OSBPL10: variants seen among roughly 807,000 people sequenced by gnomAD.
OSBPL10 encodes oxysterol binding protein like 10.
A neutral mutation model predicts 81.7 loss-of-function variants in OSBPL10; 49 were observed. The ratio of observed to expected loss-of-function variants is 0.60; its 90% confidence interval spans 0.48 to 0.76. The LOEUF (loss-of-function observed/expected upper bound fraction) is 0.76. Among genes scored for constraint, OSBPL10 ranks in the 30% least tolerant of loss-of-function variants. The probability of loss-of-function intolerance (pLI) is 0.00; values close to 1 mark genes in which losing one functional copy is unlikely to be tolerated. For synonymous variants in OSBPL10, 419 were observed against 383.6 expected (o/e 1.09, Z -1.08); for missense variants, 923 against 987.8 (o/e 0.93, Z 0.88).
upstream of OSBPL10, among the ~76,000 whole-genome samples, chr3:31,983,229 A>G (rs1055646691): frequency 1.3e-5 from 2 of 152,222 alleles, no homozygotes; most frequent in African/African-American, 4.8e-5. Flanking sequence ...TGACATACAG[A>G]CTGAAGGTGG....
At chr3:31,899,265 T>C (rs1364277652) in intron 1 of OSBPL10, among the ~76,000 whole-genome samples, 1 of 152,044 alleles carries the variant, frequency 6.6e-6, no homozygotes, top group Non-Finnish European at 1.5e-5. Context: ...TAAAGCTTAA[T>C]ATGGATGGTA....
intron 3 of OSBPL10, among the ~76,000 whole-genome samples, chr3:31,869,044 G>GGA (rs1420474929): frequency 6.6e-6 from 1 of 152,320 alleles, no homozygotes; most frequent in East Asian, 1.9e-4. Context: ...AAGGTGGTCA[G>GGA]GAGTCTGAAC....
chr3:31,934,076 TAAA>T (rs35397219), intron 1 of OSBPL10, among the ~76,000 whole-genome samples: 1 of 132,038 alleles, frequency 7.6e-6, no homozygotes, highest in Non-Finnish European at 1.6e-5. Context: ...CACCTCTGTT[TAAA>T]AAAAAAAAAA....
intron 2 of OSBPL10, among the ~76,000 whole-genome samples, chr3:31,995,561 G>A (rs998786543): frequency 6.6e-6 from 1 of 152,016 alleles, no homozygotes; most frequent in African/African-American, 2.4e-5. Flanking sequence ...ACTTCATATT[G>A]TTCAAACACA....
intron 10 of OSBPL10, among the ~76,000 whole-genome samples, chr3:31,665,352 A>G (rs1294387197): frequency 6.6e-6 from 1 of 152,230 alleles, no homozygotes; most frequent in Non-Finnish European, 1.5e-5. Context: ...TGGCTTCTAG[A>G]AAATGAGGCC....
intron 2 of OSBPL10, among the ~76,000 whole-genome samples, chr3:32,041,751 A>G (rs1699578338): frequency 6.6e-6 from 1 of 151,834 alleles, no homozygotes; most frequent in Non-Finnish European, 1.5e-5. Flanking sequence ...TCCACCTCCC[A>G]GGTTCCAGCA....
chr3:32,009,016 G>A lies in OSBPL10; in HGVS notation n.298+37475C>T, dbSNP rs183258198. On this transcript the variant is annotated intron_variant and non_coding_transcript_variant, in intron 2 of 3. Transcript: ENST00000479173. ...GCAACTGGGGATGAGCCAGGAAGAC[G>A]AGATAATTTACTCTTTGTACTTTTC... Among the ~76,000 whole-genome samples, 152 of 152,248 alleles carry A rather than the reference G, an allele frequency of 1.0e-3. 1 individual carries two copies. Among genetic ancestry groups the A allele is most frequent in the African/African-American group, 3.3e-3 (136 of 41,550 alleles).
At chr3:31,782,369 T>C (rs1386861565) in intron 4 of OSBPL10, among the ~76,000 whole-genome samples, 1 of 152,148 alleles carries the variant, frequency 6.6e-6, no homozygotes, top group African/African-American at 2.4e-5. Context: ...TTCTAGACAT[T>C]AGCTTAGGCA....
At chr3:31,865,327 T>C (rs1051836980) in intron 3 of OSBPL10, among the ~76,000 whole-genome samples, 1 of 152,236 alleles carries the variant, frequency 6.6e-6, no homozygotes, top group African/African-American at 2.4e-5. Flanking sequence ...TGTGTGCCAC[T>C]GAAGAACTGA....
intron 4 of OSBPL10, among the ~76,000 whole-genome samples, chr3:31,825,512 G>A (rs989343412): frequency 1.3e-5 from 2 of 152,058 alleles, no homozygotes; most frequent in Non-Finnish European, 2.9e-5. Context: ...TGTTGAAATG[G>A]AGTCTGTGTT....
At chr3:31,730,785 G>C (rs536195891) in intron 6 of OSBPL10, among the ~76,000 whole-genome samples, 10 of 152,336 alleles carry the variant, frequency 6.6e-5, no homozygotes, top group African/African-American at 2.4e-4. Flanking sequence ...AGAACCAGCA[G>C]AGGGGAGCTA....
chr3:31,872,813 A>G (rs981875590), intron 3 of OSBPL10, among the ~76,000 whole-genome samples: 2 of 152,054 alleles, frequency 1.3e-5, no homozygotes, highest in Non-Finnish European at 2.9e-5. Context: ...TTTTGGAGAC[A>G]GGGTTTCGCC....
At chr3:31,833,533 G>T (rs1267453196) in intron 3 of OSBPL10, among the ~76,000 whole-genome samples, 1 of 152,102 alleles carries the variant, frequency 6.6e-6, no homozygotes, top group Non-Finnish European at 1.5e-5. Context: ...AAACCTTATG[G>T]ATTTTTAAAA....
intron 6 of OSBPL10, among the ~76,000 whole-genome samples, chr3:31,705,859 A>C (rs1019109977): frequency 6.6e-6 from 1 of 152,156 alleles, no homozygotes; most frequent in Non-Finnish European, 1.5e-5. Flanking sequence ...CCATCTCTGA[A>C]AAATATGAAT....
rs773748652 is a variant in OSBPL10, at chr3:31,670,879, C to T, written c.1831G>A (p.Val611Ile). 1.2e-5 allele frequency: 20 copies of T among 1,614,028 alleles called. No individual in the cohort carries two copies. In the African/African-American group the frequency reaches 2.7e-4, roughly 22 times the overall value. The change falls in exon 9 of 12, where the codon GTC (valine) becomes ATC (isoleucine). Residue 611 changes from valine (V) to isoleucine (I), a missense_variant. Transcript: ENST00000396556. ...CCAGTCTTGGCACAGTTGATGCTGA[C>T]TTTTCCTCCGAGCTCCACCCACGGG... ...TIPWVELGGK[V>I]SINCAKTGYS... is the part of the protein sequence containing the mutation.
intron 4 of OSBPL10, among the ~76,000 whole-genome samples, chr3:31,792,311 T>C (rs540072525): frequency 1.3e-5 from 2 of 152,128 alleles, no homozygotes; most frequent in African/African-American, 4.8e-5. Context: ...CAATCAGACA[T>C]TACGTGTAAC....
At chr3:31,683,486 C>G (rs531095476) in intron 8 of OSBPL10, 148 bp downstream of exon 8, 1 of 1,241,446 alleles carries the variant, frequency 8.1e-7, no homozygotes. Flanking sequence ...AACAACAAAA[C>G]CTGACCCTTT....
At chr3:31,673,509 C>A (rs141021998) in intron 8 of OSBPL10, among the ~76,000 whole-genome samples, 1 of 152,304 alleles carries the variant, frequency 6.6e-6, no homozygotes, top group South Asian at 2.1e-4. Context: ...TGTATCCCCA[C>A]AGACTTGGAG....
Position 31,748,088 on chromosome 3 carries a change from G to GT in OSBPL10, c.761dup (p.Asn254LysfsTer7). 1 of 1,614,036 alleles carries GT rather than the reference G, an allele frequency of 6.2e-7. No homozygotes were observed. Among genetic ancestry groups the GT allele is most frequent in the Non-Finnish European group, 8.5e-7 (1 of 1,179,978 alleles). On this transcript the variant is annotated frameshift_variant, in exon 5 of 12. Coordinates refer to ENST00000396556, the MANE Select transcript of OSBPL10 (RefSeq NM_017784.5). LOFTEE classifies it high-confidence loss of function. ...GCAGGGACTCAATGGCGTGCACAAG[G>GT]TTCTTCTGCTGCCCTTCCACCTGGT...
Sources: gnomAD v4.1 joint callset for allele counts (sites outside exome capture counted in the v4.1 genomes callset) on GRCh38, gnomAD v4.1.1 for gene constraint, MANE v1.5 for transcripts, NCBI Gene and HGNC (gene_info 2026-07-23, HGNC 2026-07-21) for gene names.